ADK: variants seen among roughly 807,000 people sequenced by gnomAD.
The protein encoded by ADK is N6,N6-dimethyladenosine kinase.
A neutral mutation model predicts 44.7 loss-of-function variants in ADK; 24 were observed. That is an observed-to-expected ratio of 0.54 (90% CI 0.39 to 0.76). The LOEUF is 0.76. Ranked by LOEUF, ADK falls within the 30% of genes least tolerant of loss-of-function variation. The probability of loss-of-function intolerance (pLI) is 0.00; values close to 1 mark genes in which losing one functional copy is unlikely to be tolerated. For synonymous variants in ADK, 128 were observed against 142.6 expected (o/e 0.90, Z 0.73); for missense variants, 321 against 425.1 (o/e 0.76, Z 2.15).
intron 7 of ADK, among the ~76,000 whole-genome samples, chr10:74,543,522 A>T (rs1406137503): frequency 2.0e-5 from 3 of 152,220 alleles, no homozygotes; most frequent in Non-Finnish European, 2.9e-5. Flanking sequence ...GTATTTCTTC[A>T]GAGTAAATTC....
chr10:74,418,244 A>G (rs2133001908), intron 6 of ADK, among the ~76,000 whole-genome samples: 1 of 152,284 alleles, frequency 6.6e-6, no homozygotes, highest in East Asian at 1.9e-4. Flanking sequence ...TTGATAATGG[A>G]AGGAACACCT....
chr10:74,414,155 G>T (rs1234726071), intron 6 of ADK, among the ~76,000 whole-genome samples: 1 of 152,126 alleles, frequency 6.6e-6, no homozygotes, highest in African/African-American at 2.4e-5. Flanking sequence ...AGCACATTCT[G>T]TTGGAAAATA....
At chr10:74,432,595 T>C (rs995697858) in intron 6 of ADK, among the ~76,000 whole-genome samples, 3 of 152,210 alleles carry the variant, frequency 2.0e-5, no homozygotes, top group Non-Finnish European at 2.9e-5. Flanking sequence ...TCTTTCTTCA[T>C]CAGTTCCATG....
intron 10 of ADK, among the ~76,000 whole-genome samples, chr10:74,702,739 C>T (rs1384169010): frequency 6.6e-6 from 1 of 151,880 alleles, no homozygotes; most frequent in African/African-American, 2.4e-5. Flanking sequence ...GCTGGGATTA[C>T]AAGCAAGTGC....
At chr10:74,671,766 G>A (rs1387357289) in intron 10 of ADK, among the ~76,000 whole-genome samples, 1 of 152,132 alleles carries the variant, frequency 6.6e-6, no homozygotes, top group Non-Finnish European at 1.5e-5. Flanking sequence ...CATTACTTAA[G>A]TACTTTAAAA....
chr10:74,186,495 G>A (rs1564579818), intron 1 of ADK, among the ~76,000 whole-genome samples: 2 of 151,006 alleles, frequency 1.3e-5, no homozygotes, highest in African/African-American at 4.9e-5. Flanking sequence ...GTGGGGGTGG[G>A]GTCTTGCTAT....
intron 6 of ADK, among the ~76,000 whole-genome samples, chr10:74,500,319 C>G (rs1847846632): frequency 6.6e-6 from 1 of 152,138 alleles, no homozygotes; most frequent in Non-Finnish European, 1.5e-5. Context: ...TTGTAGTAGG[C>G]CTCCTTTTTG....
intron 6 of ADK, among the ~76,000 whole-genome samples, chr10:74,514,687 T>G (rs1848491135): frequency 6.6e-6 from 1 of 152,218 alleles, no homozygotes; most frequent in Admixed American, 6.5e-5. Flanking sequence ...TCTATCGGTA[T>G]TCTCTTGTAT....
At chr10:74,527,567 A>G in intron 7 of ADK, 2 of 750,932 alleles carry the variant, frequency 2.7e-6, no homozygotes, top group Non-Finnish European at 5.0e-6. Flanking sequence ...AAGAGCTCAA[A>G]TTTGGAGGAT....
At chr10:74,464,997 A>G (rs993039261) in intron 6 of ADK, among the ~76,000 whole-genome samples, 1 of 152,150 alleles carries the variant, frequency 6.6e-6, no homozygotes, top group Non-Finnish European at 1.5e-5. Flanking sequence ...CCAGGTAAAT[A>G]TTGCTGTCCT....
At chr10:74,223,935 A>G (rs1418539474) in intron 2 of ADK, among the ~76,000 whole-genome samples, 1 of 152,156 alleles carries the variant, frequency 6.6e-6, no homozygotes, top group African/African-American at 2.4e-5. Context: ...CTAAAAATAC[A>G]AAAATTAGCC....
intron 7 of ADK, among the ~76,000 whole-genome samples, chr10:74,575,629 C>T (rs1851157236): frequency 1.3e-5 from 2 of 152,078 alleles, no homozygotes; most frequent in South Asian, 4.2e-4. Flanking sequence ...TGAGTGGCAC[C>T]TGGTACGTAT....
chr10:74,165,439 G>T (rs1209637437), intron 1 of ADK, among the ~76,000 whole-genome samples: 1 of 151,530 alleles, frequency 6.6e-6, no homozygotes, highest in African/African-American at 2.4e-5. Context: ...TCTGGAATAA[G>T]AAATGAAGCA....
At chr10:74,400,251 T>TA (rs1335067001) in intron 6 of ADK, among the ~76,000 whole-genome samples, 1 of 152,164 alleles carries the variant, frequency 6.6e-6, no homozygotes, top group Non-Finnish European at 1.5e-5. Context: ...ATACAAGTGT[T>TA]AGCTTGTAGC....
chr10:74,470,319 C>CCAG (rs1846521659), intron 6 of ADK, among the ~76,000 whole-genome samples: 1 of 151,956 alleles, frequency 6.6e-6, no homozygotes, highest in Non-Finnish European at 1.5e-5. Context: ...GCCACCGCGC[C>CCAG]CAGCCACATT....
intron 3 of ADK, among the ~76,000 whole-genome samples, chr10:74,261,270 T>C (rs1174683806): frequency 6.6e-6 from 1 of 152,130 alleles, no homozygotes; most frequent in African/African-American, 2.4e-5. Flanking sequence ...TTTGCTAATC[T>C]CCCCCCTCAG....
At chr10:74,305,847 C>T (rs1840229687) in intron 3 of ADK, among the ~76,000 whole-genome samples, 1 of 152,142 alleles carries the variant, frequency 6.6e-6, no homozygotes, top group Admixed American at 6.5e-5. Context: ...CTGCCTCAAC[C>T]TCCTGAGTAG....
At position 74,275,471 on chromosome 10, in the gene ADK, C is replaced by G. The variant is rs538766131; in HGVS notation, c.195-39196C>G. 2.6e-5 allele frequency among the ~76,000 whole-genome samples: 4 copies of G among 152,162 alleles called. No homozygotes were observed. In the South Asian group the frequency reaches 8.3e-4, roughly 32 times the overall value. Reference sequence around the variant, plus strand: ...TCTTAAGGTTAAGGAAACAAAGTTACCTATCGGTAGAAAGTTCAGGGCCCT... The same window carrying G: ...TCTTAAGGTTAAGGAAACAAAGTTAGCTATCGGTAGAAAGTTCAGGGCCCT... On this transcript the variant is annotated intron_variant, in intron 3 of 10. Coordinates refer to ENST00000539909, the MANE Select transcript of ADK (RefSeq NM_006721.4).
chr10:74,359,239 A>T (rs1391082981), intron 4 of ADK, among the ~76,000 whole-genome samples: 2 of 152,028 alleles, frequency 1.3e-5, no homozygotes, highest in Non-Finnish European at 2.9e-5. Flanking sequence ...TATAATTTGA[A>T]TTTGTGTAGT....
Sources: allele counts gnomAD v4.1 joint callset (sites outside exome capture counted in the v4.1 genomes callset), GRCh38; gene constraint gnomAD v4.1.1; transcripts MANE v1.5; gene names NCBI Gene and HGNC (gene_info 2026-07-23, HGNC 2026-07-21).